Variants in PCDH17 observed in about 807,000 individuals in gnomAD.
PCDH17 encodes the protein protocadherin-17.
A neutral mutation model predicts 67.7 loss-of-function variants in PCDH17; 21 were observed. That is an observed-to-expected ratio of 0.31 (90% CI 0.22 to 0.45). PCDH17 has a LOEUF of 0.45. Ranked by LOEUF, PCDH17 falls within the 20% of genes least tolerant of loss-of-function variation. PCDH17 has a pLI of 1.00. For missense variants in PCDH17, 1,471 were observed against 1,564.8 expected (o/e 0.94, Z 1.01); for synonymous variants, 701 against 656.7 (o/e 1.07, Z -1.03).
At position 57,727,826 on chromosome 13, in the gene PCDH17, T is replaced by G. The variant is rs538602921; in HGVS notation, c.*2532T>G. On this transcript the variant is annotated 3_prime_UTR_variant, in exon 4 of 4. Transcript: ENST00000377918. ...AGTCTTACCAAGTGTTGCTTCTCTC[T>G]TACTAGACAGATATCCACTTAGTAA... 6.6e-6 allele frequency: 1 copy of G among 152,348 alleles called. No homozygotes were observed. The highest frequency in any genetic ancestry group is 1.5e-5 in the Non-Finnish European group (1 of 68,000). 9.4% of individuals were successfully genotyped at this position (152,348 alleles called of 1,614,324 possible). A position where few individuals can be genotyped will look rare whatever the true frequency, so the allele number is the denominator to read the frequency against.
intron 3 of PCDH17, among the ~76,000 whole-genome samples, chr13:57,669,234 T>C (rs1243439379): frequency 6.6e-6 from 1 of 152,152 alleles, no homozygotes; most frequent in Non-Finnish European, 1.5e-5. Flanking sequence ...ATTTAATAAA[T>C]ATCTAGTAAG....
rs746175727 is a variant in PCDH17, at chr13:57,634,217, G to A, written c.1671G>A (p.Ser557=). Residue 557 remains serine (S), a synonymous_variant, in exon 1 of 4, where the codon TCG becomes TCA. Coordinates refer to ENST00000377918, the MANE Select transcript of PCDH17 (RefSeq NM_001040429.3). The surrounding 1 kb of genome is among the most constrained non-coding windows in gnomAD (Gnocchi z 7.8). ...AGTTCAAGGTGCTTGCTAAGGACTC[G>A]GGGGCGCCCGCGCACTTGGAGAGCA... ...AFEFKVLAKD[S]GAPAHLESNA... 13 of 1,613,196 alleles carry A rather than the reference G, an allele frequency of 8.1e-6. No homozygotes were observed. Among genetic ancestry groups the A allele is most frequent in the African/African-American group, 4.0e-5 (3 of 74,910 alleles).
In PCDH17 at chr13:57,685,276, TA is replaced by T. The variant is rs1955494945; in HGVS notation, c.2797+18448del. ...TATGCTCTTAATATGTAATACCTAT[TA>T]AAAATATTGGACAAGGTAAAATCTA... is the stretch of plus-strand genomic sequence containing the variant. On this transcript the variant is annotated intron_variant, in intron 3 of 3. Transcript: ENST00000377918. 2.6e-5 allele frequency among the ~76,000 whole-genome samples: 4 copies of T among 152,082 alleles called. No individual in the cohort carries two copies. The South Asian group carries it at 8.3e-4, about 32-fold the overall frequency.
At chr13:57,643,227 T>C (rs909506727) in intron 1 of PCDH17, among the ~76,000 whole-genome samples, 10 of 151,640 alleles carry the variant, frequency 6.6e-5, no homozygotes, top group Non-Finnish European at 1.5e-4. Flanking sequence ...TTTACTGATG[T>C]TCTTATTTTA....
chr13:57,670,239 TG>T (rs1955303079), intron 3 of PCDH17, among the ~76,000 whole-genome samples: 1 of 151,964 alleles, frequency 6.6e-6, no homozygotes, highest in Non-Finnish European at 1.5e-5. Context: ...TTATTCTATT[TG>T]AAAAACATCA....
At chr13:57,661,283 G>A (rs1174731695) in intron 1 of PCDH17, among the ~76,000 whole-genome samples, 1 of 151,942 alleles carries the variant, frequency 6.6e-6, no homozygotes, top group Non-Finnish European at 1.5e-5. Flanking sequence ...ATGTGCTTTT[G>A]TACCATCAAT....
chr13:57,705,381 C>G (rs1955712400), intron 3 of PCDH17, among the ~76,000 whole-genome samples: 1 of 151,926 alleles, frequency 6.6e-6, no homozygotes, highest in South Asian at 2.1e-4. Flanking sequence ...TTGTCTGAAA[C>G]AATGCAGAGT....
upstream of PCDH17, among the ~76,000 whole-genome samples, chr13:57,630,138 G>T (rs983489406): frequency 3.3e-5 from 5 of 152,220 alleles, no homozygotes; most frequent in Non-Finnish European, 7.3e-5. Flanking sequence ...GAGAGAGCAG[G>T]GATCGCGAGC....
At chr13:57,670,694 A>G (rs535395556) in intron 3 of PCDH17, among the ~76,000 whole-genome samples, 51 of 151,784 alleles carry the variant, frequency 3.4e-4, no homozygotes, top group African/African-American at 1.2e-3. Context: ...TCACATTTTC[A>G]ATACTTTCTT....
intron 1 of PCDH17, among the ~76,000 whole-genome samples, chr13:57,644,699 TTTGCTCTGGTTAAAGG>T (rs1954944677): frequency 6.6e-6 from 1 of 151,610 alleles, no homozygotes; most frequent in Admixed American, 6.6e-5. Flanking sequence ...GAGTGCCTGT[TTTGCTCTGGTTAAAGG>T]TTATGTCAGT....
At chr13:57,650,521 T>C (rs1280900429) in intron 1 of PCDH17, among the ~76,000 whole-genome samples, 1 of 152,136 alleles carries the variant, frequency 6.6e-6, no homozygotes, top group Non-Finnish European at 1.5e-5. Context: ...AAACAACAAC[T>C]ATTACAAACT....
intron 1 of PCDH17, among the ~76,000 whole-genome samples, chr13:57,653,415 G>T (rs1955065140): frequency 6.6e-6 from 1 of 152,168 alleles, no homozygotes; most frequent in South Asian, 2.1e-4. Context: ...GAGTAGAATA[G>T]AAAGCACAAT....
At position 57,691,857 on chromosome 13, in the gene PCDH17, A is replaced by G. The variant is rs539280453; in HGVS notation, c.2797+25024A>G. ...CCTTTGCCTAATTAATAAACACATTATTGTTATGCTGACTAATAAAGGCAC... is the reference window on the plus strand; with the variant it reads ...CCTTTGCCTAATTAATAAACACATTGTTGTTATGCTGACTAATAAAGGCAC... On this transcript the variant is annotated intron_variant, in intron 3 of 3. Coordinates refer to ENST00000377918, the MANE Select transcript of PCDH17 (RefSeq NM_001040429.3). 2.0e-5 allele frequency among the ~76,000 whole-genome samples: 3 copies of G among 151,308 alleles called. No homozygotes were observed. The South Asian group carries it at 6.2e-4, about 31-fold the overall frequency.
intron 3 of PCDH17, among the ~76,000 whole-genome samples, chr13:57,701,652 G>T (rs77860747): frequency 4.6e-5 from 7 of 151,892 alleles, no homozygotes; most frequent in African/African-American, 1.4e-4. Context: ...GTTTGTTTTC[G>T]GTTTTATGTA....
At chr13:57,648,032 G>A (rs1954987149) in intron 1 of PCDH17, among the ~76,000 whole-genome samples, 1 of 151,896 alleles carries the variant, frequency 6.6e-6, no homozygotes, top group South Asian at 2.1e-4. Flanking sequence ...TTGAGTCTCA[G>A]TGAACTTAAA....
intron 1 of PCDH17, among the ~76,000 whole-genome samples, chr13:57,657,159 T>G (rs576352230): frequency 6.6e-6 from 1 of 152,238 alleles, no homozygotes; most frequent in Non-Finnish European, 1.5e-5. Flanking sequence ...TTGCAAGAGA[T>G]CTTAATATAT....
rs759213507 is a variant in PCDH17, at chr13:57,728,198, C to A, written c.*2904C>A. The A allele has an allele frequency of 1.3e-5, 2 of 152,514 alleles. No homozygotes were observed. The highest frequency in any genetic ancestry group is 4.8e-5 in the African/African-American group (2 of 41,428). The allele number at this position is 152,514 out of a possible 1,614,324, so 9.4% of individuals were successfully genotyped here. On this transcript the variant is annotated 3_prime_UTR_variant, in exon 4 of 4. Coordinates refer to ENST00000377918, the MANE Select transcript of PCDH17 (RefSeq NM_001040429.3). Reference sequence around the variant, plus strand: ...AGCTGGCAACTGCCTTTATTGCAGACCTCTGGTGCTTGGCTTTCAAGGAAG... The same window carrying A: ...AGCTGGCAACTGCCTTTATTGCAGAACTCTGGTGCTTGGCTTTCAAGGAAG...
chr13:57,686,129 G>A (rs1955505147), intron 3 of PCDH17, among the ~76,000 whole-genome samples: 1 of 151,688 alleles, frequency 6.6e-6, no homozygotes, highest in South Asian at 2.1e-4. Context: ...AATAATGTTA[G>A]TAATAATTAA....
At chr13:57,688,279 C>G (rs1955525956) in intron 3 of PCDH17, among the ~76,000 whole-genome samples, 1 of 151,832 alleles carries the variant, frequency 6.6e-6, no homozygotes, top group Non-Finnish European at 1.5e-5. Flanking sequence ...CACTCCAACC[C>G]TCCAGCCTGG....
Sources: allele counts gnomAD v4.1 joint callset (sites outside exome capture counted in the v4.1 genomes callset), GRCh38; gene constraint gnomAD v4.1.1; non-coding constraint Gnocchi (gnomAD v3.1); transcripts MANE v1.5; gene names NCBI Gene and HGNC (gene_info 2026-07-23, HGNC 2026-07-21).